The following PCDH9 variants were observed in gnomAD, a reference collection of about 807,000 sequenced individuals.
The protein encoded by PCDH9 is protocadherin-9.
PCDH9 carries 24 observed loss-of-function variants against 70.6 expected under a neutral mutation model. The ratio of observed to expected loss-of-function variants is 0.34; its 90% CI spans 0.25 to 0.48. The LOEUF is 0.48. Ranked by LOEUF, PCDH9 falls within the 20% of genes least tolerant of loss-of-function variation. PCDH9 has a pLI of 0.99. For synonymous variants in PCDH9, 562 were observed against 558.5 expected (o/e 1.01, Z -0.09); for missense variants, 1,281 against 1,503.6 (o/e 0.85, Z 2.45).
At chr13:66,591,322 A>G (rs966619596) in intron 4 of PCDH9, among the ~76,000 whole-genome samples, 1 of 151,696 alleles carries the variant, frequency 6.6e-6, no homozygotes, top group Non-Finnish European at 1.5e-5. Context: ...TAAATACATG[A>G]TCTAAATAAA....
intron 3 of PCDH9, among the ~76,000 whole-genome samples, chr13:66,713,220 T>C (rs1318172900): frequency 6.6e-6 from 1 of 152,172 alleles, no homozygotes; most frequent in African/African-American, 2.4e-5. Context: ...ACCAAGAGGT[T>C]TTAAAATAAA....
chr13:66,747,930 C>A (rs1325738441), intron 3 of PCDH9, among the ~76,000 whole-genome samples: 1 of 152,128 alleles, frequency 6.6e-6, no homozygotes, highest in African/African-American at 2.4e-5. Flanking sequence ...AGACCATTAG[C>A]ATCAATTTTG....
At chr13:67,037,982 A>G (rs1308176694) in intron 2 of PCDH9, among the ~76,000 whole-genome samples, 2 of 152,214 alleles carry the variant, frequency 1.3e-5, no homozygotes, top group Non-Finnish European at 2.9e-5. Context: ...ACTGACGTAT[A>G]AAACATTTTT....
chr13:66,470,651 T>A (rs1456669405), intron 4 of PCDH9, among the ~76,000 whole-genome samples: 2 of 151,450 alleles, frequency 1.3e-5, no homozygotes. Context: ...TGTGAAATGT[T>A]ATAAATAACT....
intron 3 of PCDH9, among the ~76,000 whole-genome samples, chr13:66,768,765 A>C (rs1206041527): frequency 6.6e-6 from 1 of 152,094 alleles, no homozygotes; most frequent in East Asian, 1.9e-4. Context: ...TATGTCCTAG[A>C]GGAGATTCAA....
At chr13:66,809,781 C>CAAAAGAA (rs2080471678) in intron 3 of PCDH9, among the ~76,000 whole-genome samples, 1 of 151,506 alleles carries the variant, frequency 6.6e-6, no homozygotes. Flanking sequence ...TAGTACTTGG[C>CAAAAGAA]AAAAAAAAGA....
intron 4 of PCDH9, among the ~76,000 whole-genome samples, chr13:66,512,671 A>G (rs979644708): frequency 6.6e-6 from 1 of 152,116 alleles, no homozygotes; most frequent in African/African-American, 2.4e-5. Flanking sequence ...CAGATTTTAG[A>G]CTTATCACAA....
chr13:66,785,537 A>G (rs1352787275), intron 3 of PCDH9, among the ~76,000 whole-genome samples: 3 of 152,004 alleles, frequency 2.0e-5, no homozygotes, highest in Non-Finnish European at 4.4e-5. Flanking sequence ...TATTTACCCC[A>G]GAGAATATAT....
intron 2 of PCDH9, among the ~76,000 whole-genome samples, chr13:67,101,276 C>T (rs915985667): frequency 6.6e-6 from 1 of 152,098 alleles, no homozygotes; most frequent in Non-Finnish European, 1.5e-5. Context: ...TATGTACTGC[C>T]ACTGAAACAT....
chr13:67,051,378 CAAGATTTTT>C, intron 2 of PCDH9, among the ~76,000 whole-genome samples: 1 of 114,498 alleles, frequency 8.7e-6, no homozygotes. Flanking sequence ...GAAAACAATA[CAAGATTTTT>C]TTTTTTTTTT....
intron 4 of PCDH9, among the ~76,000 whole-genome samples, chr13:66,479,870 T>G (rs963970588): frequency 8.5e-5 from 13 of 152,148 alleles, no homozygotes; most frequent in Non-Finnish European, 1.3e-4. Flanking sequence ...CAGCAGGACG[T>G]GGGCAGGGAC....
chr13:66,419,934 C>T (rs754167878), intron 4 of PCDH9, among the ~76,000 whole-genome samples: 11 of 152,096 alleles, frequency 7.2e-5, no homozygotes, highest in Admixed American at 2.0e-4. Context: ...TTGAAATTCT[C>T]GCTGCCAGCA....
chr13:66,917,234 A>T (rs1026781783), intron 2 of PCDH9, among the ~76,000 whole-genome samples: 3 of 151,472 alleles, frequency 2.0e-5, no homozygotes, highest in Non-Finnish European at 3.0e-5. Flanking sequence ...CATACATTTT[A>T]AAATGGCCTG....
intron 2 of PCDH9, among the ~76,000 whole-genome samples, chr13:66,943,693 T>C (rs1011179051): frequency 9.9e-5 from 15 of 152,096 alleles, no homozygotes; most frequent in Non-Finnish European, 1.8e-4. Context: ...TGTGTATTTA[T>C]GCTTTGCATT....
intron 3 of PCDH9, among the ~76,000 whole-genome samples, chr13:66,786,530 G>A (rs2080082553): frequency 6.6e-6 from 1 of 152,288 alleles, no homozygotes; most frequent in South Asian, 2.1e-4. Flanking sequence ...TGACGTTATT[G>A]AGCTATTGAT....
chr13:66,330,880 G>C (rs1955930629), intron 4 of PCDH9, among the ~76,000 whole-genome samples: 1 of 152,158 alleles, frequency 6.6e-6, no homozygotes, highest in African/African-American at 2.4e-5. Context: ...TTTAAGCAAA[G>C]AGGATACTGT....
chr13:67,135,135 AG>A (rs983117443), intron 2 of PCDH9, among the ~76,000 whole-genome samples: 5 of 152,174 alleles, frequency 3.3e-5, no homozygotes, highest in African/African-American at 1.2e-4. Flanking sequence ...ACCATTAAAA[AG>A]TTTTGTCAAT....
At chr13:67,096,308 C>A (rs1361240014) in intron 2 of PCDH9, among the ~76,000 whole-genome samples, 2 of 152,052 alleles carry the variant, frequency 1.3e-5, no homozygotes, top group African/African-American at 4.8e-5. Context: ...AGCCACGAAC[C>A]GTAAAATACT....
chr13:66,561,089 G>A (rs1961996747), intron 4 of PCDH9, among the ~76,000 whole-genome samples: 1 of 152,224 alleles, frequency 6.6e-6, no homozygotes, highest in Non-Finnish European at 1.5e-5. Flanking sequence ...GGGAACCCGG[G>A]CTGCGCGTGG....
Sources: gnomAD v4.1 joint callset for allele counts (sites outside exome capture counted in the v4.1 genomes callset) on GRCh38, gnomAD v4.1.1 for gene constraint, MANE v1.5 for transcripts, NCBI Gene and HGNC (gene_info 2026-07-23, HGNC 2026-07-21) for gene names.